Variants in CELF1 observed in about 807,000 individuals in gnomAD.
CELF1 encodes CUGBP Elav-like family member 1.
In CELF1, 10 loss-of-function variants were observed where a neutral mutation model predicts 61.8. That is an observed-to-expected ratio of 0.16 (90% confidence interval 0.10 to 0.27). CELF1 has a LOEUF of 0.27. Among genes scored for constraint, CELF1 ranks in the 10% least tolerant of loss-of-function variants. The pLI is 1.00. For missense variants in CELF1, 380 were observed against 639.1 expected (o/e 0.59, Z 4.37); for synonymous variants, 236 against 225.1 (o/e 1.05, Z -0.43).
chr11:47,485,730 C>A (rs1179614793), intron 6 of CELF1, among the ~76,000 whole-genome samples: 1 of 151,418 alleles, frequency 6.6e-6, no homozygotes, highest in Non-Finnish European at 1.5e-5. Context: ...TACAGGCATG[C>A]ACCACCACAC....
chr11:47,534,127 C>T (rs11602333), intron 1 of CELF1, among the ~76,000 whole-genome samples: 1 of 135,102 alleles, frequency 7.4e-6, no homozygotes, highest in East Asian at 2.5e-4. Flanking sequence ...CTCCTTAGTT[C>T]AAACTACTCT....
At chr11:47,522,350 A>AC (rs2095963646) in intron 1 of CELF1, among the ~76,000 whole-genome samples, 1 of 146,316 alleles carries the variant, frequency 6.8e-6, no homozygotes, top group African/African-American at 2.5e-5. Flanking sequence ...ACATGGTGAA[A>AC]CCCCATCTCT....
intron 12 of CELF1, among the ~76,000 whole-genome samples, chr11:47,476,566 C>T (rs2080252177): frequency 6.6e-6 from 1 of 152,196 alleles, no homozygotes; most frequent in South Asian, 2.1e-4. Context: ...GCTAGGACTA[C>T]AGGCGCCCGC....
Position 47,533,815 on chromosome 11 carries a change from A to C in CELF1, c.-154+19177T>G, listed in dbSNP as rs1205291527. On this transcript the variant is annotated intron_variant, in intron 1 of 14. Coordinates refer to ENST00000687097, the MANE Select transcript of CELF1 (RefSeq NM_001376376.1). ...ATAGAGCGAGACTCTCCCCCAAAAAAAAAAAAAAAAAAAAAAGGAATATTT... is the reference window on the plus strand; with the variant it reads ...ATAGAGCGAGACTCTCCCCCAAAAACAAAAAAAAAAAAAAAAGGAATATTT... Among the ~76,000 whole-genome samples, 778 of 147,934 alleles carry C rather than the reference A, an allele frequency of 5.3e-3. 10 individuals are homozygous for C. Among genetic ancestry groups the C allele is most frequent in the African/African-American group, 0.018 (696 of 39,096 alleles).
At chr11:47,494,874 T>G (rs1426193656) in intron 3 of CELF1, among the ~76,000 whole-genome samples, 5 of 152,250 alleles carry the variant, frequency 3.3e-5, no homozygotes, top group African/African-American at 9.6e-5. Flanking sequence ...TTGCCACATG[T>G]GGCTAGTGGC....
At chr11:47,474,229 T>C (rs1285293449) in intron 13 of CELF1, among the ~76,000 whole-genome samples, 5 of 152,220 alleles carry the variant, frequency 3.3e-5, no homozygotes, top group Admixed American at 2.0e-4. Flanking sequence ...AAAGCTTTAT[T>C]ACAATTGCAG....
intron 3 of CELF1, among the ~76,000 whole-genome samples, chr11:47,491,422 G>A (rs2091433723): frequency 6.6e-6 from 1 of 152,278 alleles, no homozygotes; most frequent in South Asian, 2.1e-4. Context: ...GGCCTCCCAA[G>A]TGCTGGGATT....
At chr11:47,545,171 T>C (rs964890834) in intron 1 of CELF1, among the ~76,000 whole-genome samples, 1 of 152,066 alleles carries the variant, frequency 6.6e-6, no homozygotes, top group Non-Finnish European at 1.5e-5. Flanking sequence ...GGTTCATGCC[T>C]GTAATCCCAG....
chr11:47,548,496 A>C (rs537380911), intron 1 of CELF1, among the ~76,000 whole-genome samples: 22 of 152,354 alleles, frequency 1.4e-4, no homozygotes, highest in African/African-American at 4.8e-4. Context: ...CAAAGCATAC[A>C]ATCGACAAAG....
intron 5 of CELF1, 104 bp downstream of exon 5, chr11:47,487,055 T>C: frequency 1.1e-6 from 1 of 921,208 alleles, no homozygotes; most frequent in East Asian, 2.4e-5. Flanking sequence ...CCTGCAGCAG[T>C]TACCTTTTCC....
intron 1 of CELF1, among the ~76,000 whole-genome samples, chr11:47,517,655 A>AG (rs1328360672): frequency 7.3e-4 from 110 of 150,674 alleles, no homozygotes; most frequent in Non-Finnish European, 9.0e-4. Flanking sequence ...ATTCTACAGA[A>AG]ATTTTTTTTT....
chr11:47,539,860 T>C (rs2096730977), intron 1 of CELF1, among the ~76,000 whole-genome samples: 1 of 152,222 alleles, frequency 6.6e-6, no homozygotes, highest in Admixed American at 6.5e-5. Flanking sequence ...CCCTACGGAA[T>C]GACCTTCACT....
intron 6 of CELF1, among the ~76,000 whole-genome samples, chr11:47,486,483 C>T (rs1305113748): frequency 1.3e-5 from 2 of 151,750 alleles, no homozygotes; most frequent in African/African-American, 2.4e-5. Context: ...GATCTTAGCT[C>T]ATTGCAACCT....
chr11:47,477,333 T>C lies in CELF1; in HGVS notation c.937A>G (p.Thr313Ala), dbSNP rs764578466. ...NTPSGTNALT[T>A]SSSPLSVLTS... ...AGCACGCTGAGGGGACTGCTGGATG[T>C]AGTGAGAGCATTGGTACCACTTGGT... Residue 313 changes from threonine (T) to alanine (A), a missense_variant, in exon 11 of 15, where the codon ACA becomes GCA. Physicochemically the swap from Thr to Ala is moderately conservative, Grantham distance 58. Coordinates refer to ENST00000687097, the MANE Select transcript of CELF1 (RefSeq NM_001376376.1). 2 of 1,614,100 alleles carry C rather than the reference T, an allele frequency of 1.2e-6. No individual in the cohort carries two copies. Among genetic ancestry groups the C allele is most frequent in the Non-Finnish European group, 1.7e-6 (2 of 1,179,996 alleles).
Position 47,469,942 on chromosome 11 carries a change from G to A in CELF1, c.*2288C>T, listed in dbSNP as rs2077323246. 1 of 152,360 alleles carries A rather than the reference G, an allele frequency of 6.6e-6. No homozygotes were observed. The highest frequency in any genetic ancestry group is 2.4e-5 in the African/African-American group (1 of 41,436). 9.4% of individuals were successfully genotyped at this position (152,360 alleles called of 1,614,324 possible). A position where few individuals can be genotyped will look rare whatever the true frequency, so the allele number is the denominator to read the frequency against. Reference sequence around the variant, plus strand: ...AAGGGAGTGGCGTTCTGGCTAAGGAGGAAGACAGAACAGAAGGCTAGGGAG... The same window carrying A: ...AAGGGAGTGGCGTTCTGGCTAAGGAAGAAGACAGAACAGAAGGCTAGGGAG... On this transcript the variant is annotated 3_prime_UTR_variant, in exon 15 of 15. Transcript: ENST00000687097.
chr11:47,488,388 C>A (rs1317013313), intron 4 of CELF1, among the ~76,000 whole-genome samples: 1 of 152,180 alleles, frequency 6.6e-6, no homozygotes, highest in Non-Finnish European at 1.5e-5. Context: ...GTAATACTAA[C>A]AAGAAACCAA....
At chr11:47,549,496 G>C (rs2097077585) in intron 1 of CELF1, among the ~76,000 whole-genome samples, 1 of 152,128 alleles carries the variant, frequency 6.6e-6, no homozygotes, top group African/African-American at 2.4e-5. Flanking sequence ...GCCTTAAAAA[G>C]GAAATAAATC....
At chr11:47,526,046 C>T (rs773367327) in intron 1 of CELF1, among the ~76,000 whole-genome samples, 5 of 152,054 alleles carry the variant, frequency 3.3e-5, no homozygotes, top group Admixed American at 6.6e-5. Flanking sequence ...AGGGCACCTG[C>T]GCACCAGGAG....
At chr11:47,481,102 C>CTTTTTTTTTTTTT (rs1187959061) in intron 9 of CELF1, among the ~76,000 whole-genome samples, 71 of 71,430 alleles carry the variant, frequency 9.9e-4, no homozygotes, top group Non-Finnish European at 1.1e-3. Context: ...TTTTCTTCTT[C>CTTTTTTTTTTTTT]TTTTTTTTTT....
Sources: gnomAD v4.1 joint callset for allele counts (sites outside exome capture counted in the v4.1 genomes callset) on GRCh38, gnomAD v4.1.1 for gene constraint, MANE v1.5 for transcripts, NCBI Gene and HGNC (gene_info 2026-07-23, HGNC 2026-07-21) for gene names.